TRIM56: variants seen among roughly 807,000 people sequenced by gnomAD.
The protein encoded by TRIM56 is E3 ubiquitin-protein ligase TRIM56.
Under a neutral mutation model 17.1 loss-of-function variants are expected in TRIM56, and 10 were observed. The observed-to-expected ratio is 0.58, with a 90% CI of 0.36 to 0.99. The LOEUF is 0.99. Ranked by LOEUF, TRIM56 falls within the 50% of genes least tolerant of loss-of-function variation. TRIM56 has a pLI of 0.01. For missense variants in TRIM56, 923 were observed against 1,052.3 expected (o/e 0.88, Z 1.70); for synonymous variants, 503 against 473.5 (o/e 1.06, Z -0.81).
Position 101,089,560 on chromosome 7 carries a change from G to A in TRIM56, c.2248G>A (p.Val750Ile), listed in dbSNP as rs767070065. The change falls in exon 3 of 3, where the codon GTC (valine) becomes ATC (isoleucine). Residue 750 changes from valine (V) to isoleucine (I), a missense_variant. This residue lies in a region of TRIM56 where 182 missense variants were observed against 243.1 expected (regional missense o/e 0.75). Coordinates refer to ENST00000306085, the MANE Select transcript of TRIM56 (RefSeq NM_030961.3). Reference protein sequence around the residue: ...LSNGTIHIFRVRSPDS With the variant: ...LSNGTIHIFRIRSPDS ...TAACGGGACCATCCACATCTTTCGGGTCCGTTCTCCGGACAGTTAAAGGGG... is the reference window on the plus strand; with the variant it reads ...TAACGGGACCATCCACATCTTTCGGATCCGTTCTCCGGACAGTTAAAGGGG... 7 of 1,613,870 alleles carry A rather than the reference G, an allele frequency of 4.3e-6. No homozygotes were observed. Among genetic ancestry groups the A allele is most frequent in the Non-Finnish European group, 5.9e-6 (7 of 1,179,932 alleles).
In TRIM56 at chr7:101,091,602, C is replaced by G. The variant is rs997080275; in HGVS notation, c.*2022C>G. ...ATTAGCTAGGCGTGGGAGCGGGCGT[C>G]TGTAATCCCAGCTACTTGGGAGGCT... is the stretch of plus-strand genomic sequence containing the variant. On this transcript the variant is annotated 3_prime_UTR_variant, in exon 3 of 3. Coordinates refer to ENST00000306085, the MANE Select transcript of TRIM56 (RefSeq NM_030961.3). 1 of 378,756 alleles carries G rather than the reference C, an allele frequency of 2.6e-6. No homozygotes were observed. The highest frequency in any genetic ancestry group is 5.1e-6 in the Non-Finnish European group (1 of 195,462). 23.5% of individuals were successfully genotyped at this position (378,756 alleles called of 1,614,324 possible).
rs1265692440 is a variant in TRIM56 at position 101,092,438 on chromosome 7, C to A, written c.*2858C>A. On this transcript the variant is annotated 3_prime_UTR_variant, in exon 3 of 3. Transcript: ENST00000306085. ...TGTGAGGAGCGCCTCTGCCCGGCCG[C>A]GACCCAGTCTGGGAGGTGAGGAGCG... The A allele has an allele frequency of 5.8e-6, 1 of 173,064 alleles. No individual in the cohort carries two copies. The highest frequency in any genetic ancestry group is 2.4e-5 in the African/African-American group (1 of 41,534). The allele number at this position is 173,064 out of a possible 1,614,324, so 10.7% of individuals were successfully genotyped here.
At chr7:101,085,993 G>A (rs576523912) in intron 1 of TRIM56, among the ~76,000 whole-genome samples, 14 of 152,326 alleles carry the variant, frequency 9.2e-5, no homozygotes, top group Non-Finnish European at 4.4e-5. Flanking sequence ...GCGGGAAGGG[G>A]ACCAGCCCTT....
At position 101,097,581 on chromosome 7, in the gene TRIM56, C is replaced by G. The variant is rs1159314661; in HGVS notation, c.*8001C>G. The stretch of plus-strand genomic sequence containing the variant: ...AAAGTACAGCAACATCAGACTAGAT[C>G]TCACCTGAGGTGCTGGGTGAGAAAT... On this transcript the variant is annotated 3_prime_UTR_variant, in exon 3 of 3. Transcript: ENST00000306085. 1.3e-5 allele frequency: 2 copies of G among 152,234 alleles called. No individual in the cohort carries two copies. Among genetic ancestry groups the G allele is most frequent in the African/African-American group, 2.4e-5 (1 of 41,442 alleles). The allele number at this position is 152,234 out of a possible 1,614,324, so 9.4% of individuals were successfully genotyped here. A position where few individuals can be genotyped will look rare whatever the true frequency, so the allele number is the denominator to read the frequency against.
chr7:101,087,344 T>C lies in TRIM56; in HGVS notation c.32T>C (p.Leu11Pro). Reference protein sequence around the residue: MVSHGSSPSLLEALSSDFLAC... With the variant: MVSHGSSPSLPEALSSDFLAC... ...TCCCACGGGTCCTCGCCCTCCCTCC[T>C]GGAGGCCCTGAGCAGCGACTTCCTG... Residue 11 changes from leucine to proline, a missense_variant, in exon 3 of 3, where the codon CTG (leucine) becomes CCG (proline). Leu to Pro is a moderately conservative substitution (Grantham distance 98, BLOSUM62 -3). Transcript: ENST00000306085. The C allele has an allele frequency of 6.2e-7, 1 of 1,613,068 alleles. No individual in the cohort carries two copies. Among genetic ancestry groups the C allele is most frequent in the Non-Finnish European group, 8.5e-7 (1 of 1,179,956 alleles).
rs1252647102 is a variant in TRIM56 at position 101,096,961 on chromosome 7, A to G, written c.*7381A>G. The stretch of plus-strand genomic sequence containing the variant: ...ATTAGTTAAGGACCCATAAGAGTAG[A>G]CATTTAGAAAAAGTGAAAAATGGCA... On this transcript the variant is annotated 3_prime_UTR_variant, in exon 3 of 3. Coordinates refer to ENST00000306085, the MANE Select transcript of TRIM56 (RefSeq NM_030961.3). 6.6e-6 allele frequency: 1 copy of G among 152,224 alleles called. No individual in the cohort carries two copies. Among genetic ancestry groups the G allele is most frequent in the African/African-American group, 2.4e-5 (1 of 41,458 alleles). 9.4% of individuals were successfully genotyped at this position (152,224 alleles called of 1,614,324 possible).
At position 101,092,983 on chromosome 7, in the gene TRIM56, C is replaced by T. The variant is rs1795604050; in HGVS notation, c.*3403C>T. 5.6e-6 allele frequency: 1 copy of T among 178,820 alleles called. No individual in the cohort carries two copies. Among genetic ancestry groups the T allele is most frequent in the South Asian group, 1.3e-4 (1 of 7,752 alleles). The allele number at this position is 178,820 out of a possible 1,614,324, so 11.1% of individuals were successfully genotyped here. On this transcript the variant is annotated 3_prime_UTR_variant, in exon 3 of 3. Coordinates refer to ENST00000306085, the MANE Select transcript of TRIM56 (RefSeq NM_030961.3). ...TAGACATGGGAGACTTCATTTTGTT[C>T]TGTACTAAGAAAAATTCTTCTGCCT...
rs781152092 is a variant in TRIM56, at chr7:101,088,269, C to G, written c.957C>G (p.Ala319=). The G allele has an allele frequency of 2.0e-6, 3 of 1,507,858 alleles. No individual in the cohort carries two copies. Among genetic ancestry groups the G allele is most frequent in the Non-Finnish European group, 2.6e-6 (3 of 1,134,672 alleles). 93.4% of individuals were successfully genotyped at this position (1,507,858 alleles called of 1,614,324 possible). Residue 319 remains alanine, a synonymous_variant, in exon 3 of 3, where the codon GCC becomes GCG. Coordinates refer to ENST00000306085, the MANE Select transcript of TRIM56 (RefSeq NM_030961.3). The part of the protein sequence containing the change: ...ARRVLSLGRE[A]EILSLEGAIA... The stretch of plus-strand genomic sequence containing the variant: ...GGGTACTCAGCCTGGGGCGAGAGGC[C>G]GAGATCCTCTCCCTGGAAGGGGCGA...
At position 101,090,894 on chromosome 7, in the gene TRIM56, T is replaced by G. The variant is rs1442804944; in HGVS notation, c.*1314T>G. The G allele has an allele frequency of 6.6e-6, 1 of 152,100 alleles. No individual in the cohort carries two copies. The highest frequency in any genetic ancestry group is 2.4e-5 in the African/African-American group (1 of 41,418). The allele number at this position is 152,100 out of a possible 1,614,324, so 9.4% of individuals were successfully genotyped here. On this transcript the variant is annotated 3_prime_UTR_variant, in exon 3 of 3. Coordinates refer to ENST00000306085, the MANE Select transcript of TRIM56 (RefSeq NM_030961.3). ...CCTTCTCTTCATTTTCCAGCAAAATTCCTTTTGAGATATGTTGGCCTTCAC... is the reference window on the plus strand; with the variant it reads ...CCTTCTCTTCATTTTCCAGCAAAATGCCTTTTGAGATATGTTGGCCTTCAC...
intron 1 of TRIM56, among the ~76,000 whole-genome samples, chr7:101,085,839 CA>C (rs1225874981): frequency 1.3e-5 from 2 of 152,200 alleles, no homozygotes; most frequent in African/African-American, 4.8e-5. Flanking sequence ...CTAGTCTGCC[CA>C]ACAAGTAGGT....
rs6942824 is a variant in TRIM56 at position 101,096,401 on chromosome 7, C to T, written c.*6821C>T. 0.42 allele frequency: 64,131 copies of T among 151,974 alleles called. 14,507 individuals are homozygous for T. The highest frequency in any genetic ancestry group is 0.52 in the Non-Finnish European group (35,579 of 67,964). 9.4% of individuals were successfully genotyped at this position (151,974 alleles called of 1,614,324 possible). ...GAAGAGGGAAGTAGAAAACCTCTTT[C>T]GTATTCTTGGTGTCAAGAAATGGGA... On this transcript the variant is annotated 3_prime_UTR_variant, in exon 3 of 3. Transcript: ENST00000306085.
intron 1 of TRIM56, 146 bp downstream of exon 1, chr7:101,085,717 G>A (rs1339710582): frequency 2.0e-5 from 3 of 152,232 alleles, no homozygotes; most frequent in African/African-American, 7.2e-5. Context: ...GAGAGGGCAG[G>A]AGGGAAACTG....
In TRIM56 at chr7:101,097,811, C is replaced by G. The variant is rs1183726304; in HGVS notation, c.*8231C>G. 1 of 152,214 alleles carries G rather than the reference C, an allele frequency of 6.6e-6. No homozygotes were observed. 9.4% of individuals were successfully genotyped at this position (152,214 alleles called of 1,614,324 possible). On this transcript the variant is annotated 3_prime_UTR_variant, in exon 3 of 3. Coordinates refer to ENST00000306085, the MANE Select transcript of TRIM56 (RefSeq NM_030961.3). Reference sequence around the variant, plus strand: ...TTTCTCTACATTGCCATGGGCTAAACCCAGTGTGCTGTAAACTCTTCAGTT... The same window carrying G: ...TTTCTCTACATTGCCATGGGCTAAAGCCAGTGTGCTGTAAACTCTTCAGTT...
chr7:101,088,356 G>A lies in TRIM56; in HGVS notation c.1044G>A (p.Leu348=). 6.5e-7 allele frequency: 1 copy of A among 1,548,100 alleles called. No individual in the cohort carries two copies. The highest frequency in any genetic ancestry group is 1.2e-5 in the South Asian group (1 of 80,690). The change falls in exon 3 of 3, where the codon CTG becomes CTA. Residue 348 remains leucine, a synonymous_variant. Transcript: ENST00000306085. ...CPWAPGPAPC[L]LPQLELHPGL... ...GGGCACCAGGCCCGGCCCCCTGCCTGCTCCCACAGCTGGAGCTCCATCCTG... is the reference window on the plus strand; with the variant it reads ...GGGCACCAGGCCCGGCCCCCTGCCTACTCCCACAGCTGGAGCTCCATCCTG...
rs1795542766 is a variant in TRIM56, at chr7:101,090,535, G to A, written c.*955G>A. On this transcript the variant is annotated 3_prime_UTR_variant, in exon 3 of 3. Coordinates refer to ENST00000306085, the MANE Select transcript of TRIM56 (RefSeq NM_030961.3). Reference sequence around the variant, plus strand: ...GCTACTCAGGAGGCTGAGGTGGGAGGATCCCTTGAGCCGAGGAGTTTGAGT... The same window carrying A: ...GCTACTCAGGAGGCTGAGGTGGGAGAATCCCTTGAGCCGAGGAGTTTGAGT... 3 of 145,452 alleles carry A rather than the reference G, an allele frequency of 2.1e-5. No individual in the cohort carries two copies. Among genetic ancestry groups the A allele is most frequent in the Admixed American group, 7.0e-5 (1 of 14,212 alleles). 9.0% of individuals were successfully genotyped at this position (145,452 alleles called of 1,614,324 possible).
chr7:101,088,177 CG>C lies in TRIM56; in HGVS notation c.868del (p.Glu290ArgfsTer242). The stretch of plus-strand genomic sequence containing the variant: ...CGTGGAGGCTGCCGAAGAAGCTGCT[CG>C]GGAGAGGCTGGCGGAGCTTGAGGGC... ...AHVEAAEEAARERLAELEGRE... is the reference protein window; with the variant it reads ...AHVEAAEEAAXERLAELEGRE... On this transcript the variant is annotated frameshift_variant, in exon 3 of 3. Transcript: ENST00000306085. LOFTEE classifies it low-confidence loss of function (END_TRUNC). The C allele has an allele frequency of 6.7e-7, 1 of 1,497,192 alleles. No individual in the cohort carries two copies. Among genetic ancestry groups the C allele is most frequent in the Non-Finnish European group, 8.9e-7 (1 of 1,125,482 alleles). 92.7% of individuals were successfully genotyped at this position (1,497,192 alleles called of 1,614,324 possible). A position where few individuals can be genotyped will look rare whatever the true frequency, so the allele number is the denominator to read the frequency against.
rs936053766 is a variant in TRIM56, at chr7:101,089,950, GGA to G, written c.*374_*375del. 9.2e-6 allele frequency: 2 copies of G among 218,182 alleles called. No individual in the cohort carries two copies. Among genetic ancestry groups the G allele is most frequent in the African/African-American group, 4.6e-5 (2 of 43,050 alleles). The allele number at this position is 218,182 out of a possible 1,614,324, so 13.5% of individuals were successfully genotyped here. A position where few individuals can be genotyped will look rare whatever the true frequency, so the allele number is the denominator to read the frequency against. On this transcript the variant is annotated 3_prime_UTR_variant, in exon 3 of 3. Transcript: ENST00000306085. ...AACCATTCCTGATAGAGTAGCCGAG[GGA>G]GAGTCTTGGGGCCAAGAAGGGCCCA...
intron 1 of TRIM56, among the ~76,000 whole-genome samples, chr7:101,086,240 A>T (rs1477155029): frequency 6.6e-6 from 1 of 152,142 alleles, no homozygotes; most frequent in Non-Finnish European, 1.5e-5. Flanking sequence ...CCCCATCTCT[A>T]CAAAAAGTGA....
rs773477289 is a variant in TRIM56 at position 101,088,796 on chromosome 7, G to C, written c.1484G>C (p.Cys495Ser). The C allele has an allele frequency of 6.2e-7, 1 of 1,613,692 alleles. No homozygotes were observed. Among genetic ancestry groups the C allele is most frequent in the South Asian group, 1.1e-5 (1 of 91,088 alleles). ...SGLLPRPIFY[C>S]SFPTRMPGDK... ...CTCCTCCCCAGACCCATCTTTTACT[G>C]CAGTTTCCCCACGCGGATGCCTGGA... The change falls in exon 3 of 3, where the codon TGC becomes TCC. Residue 495 changes from cysteine to serine, a missense_variant. This residue lies in a region of TRIM56 where 643 missense variants were observed against 665.6 expected (regional missense o/e 0.97). Coordinates refer to ENST00000306085, the MANE Select transcript of TRIM56 (RefSeq NM_030961.3).
Sources: allele counts gnomAD v4.1 joint callset (sites outside exome capture counted in the v4.1 genomes callset), GRCh38; gene constraint gnomAD v4.1.1; regional missense constraint gnomAD v4.1.1; transcripts MANE v1.5; gene names NCBI Gene and HGNC (gene_info 2026-07-23, HGNC 2026-07-21).